Variants in TMED3 observed in about 807,000 individuals in gnomAD.
The protein encoded by TMED3 is transmembrane emp24 domain-containing protein 3.
TMED3 carries 9 observed loss-of-function variants against 15.0 expected under a neutral mutation model. The observed-to-expected ratio is 0.60, with a 90% CI of 0.36 to 1.04. TMED3 has a LOEUF of 1.04. Ranked by LOEUF, TMED3 falls within the 50% of genes least tolerant of loss-of-function variation. The pLI, the probability that TMED3 is intolerant of heterozygous loss-of-function variation, is 0.01. For missense variants in TMED3, 267 were observed against 278.9 expected, an observed-to-expected ratio of 0.96 and a Z score of 0.30; for synonymous variants, 117 against 121.4, an observed-to-expected ratio of 0.96 and a Z score of 0.24.
chr15:79,338,843 G>T (rs542429825), intron 2 of TMED3, among the ~76,000 whole-genome samples: 2 of 152,084 alleles, frequency 1.3e-5, no homozygotes, highest in Non-Finnish European at 2.9e-5. Context: ...GTTGCCAGGC[G>T]GACCGTGGTC....
intron 2 of TMED3, among the ~76,000 whole-genome samples, chr15:79,364,933 C>T (rs1893201451): frequency 6.6e-6 from 1 of 152,238 alleles, no homozygotes; most frequent in Non-Finnish European, 1.5e-5. Context: ...CACACCGGCC[C>T]TCTGCCCTTG....
chr15:79,317,211 C>T (rs1056510051), intron 2 of TMED3, among the ~76,000 whole-genome samples: 1 of 152,226 alleles, frequency 6.6e-6, no homozygotes, highest in Non-Finnish European at 1.5e-5. Flanking sequence ...CCTCTTCATG[C>T]AGTCTCCGTG....
chr15:79,396,668 G>C (rs1567039816), intron 2 of TMED3, among the ~76,000 whole-genome samples: 1 of 152,174 alleles, frequency 6.6e-6, no homozygotes, highest in East Asian at 1.9e-4. Context: ...TACTCTGTTG[G>C]TCAAAACGTG....
Position 79,328,530 on chromosome 15 carries a change from A to G in TMED3, c.417+14525A>G, listed in dbSNP as rs148911831. Among the ~76,000 whole-genome samples, 150 of 152,328 alleles carry G rather than the reference A, an allele frequency of 9.8e-4. No individual in the cohort carries two copies. The East Asian group carries it at 0.025, about 25-fold the overall frequency. The stretch of plus-strand genomic sequence containing the variant: ...AGCCATGCTCACAGCCAGCCCCCCA[A>G]AATGGGCTGGGTTTGCATTGCACCT... On this transcript the variant is annotated intron_variant, in intron 2 of 2. Coordinates refer to the TMED3 transcript ENST00000424155.
intron 2 of TMED3, among the ~76,000 whole-genome samples, chr15:79,353,905 A>T (rs1383088367): frequency 2.0e-5 from 3 of 152,148 alleles, no homozygotes; most frequent in Non-Finnish European, 2.9e-5. Flanking sequence ...CTCAGGGAGA[A>T]CCAAGTGACC....
Position 79,313,796 on chromosome 15 carries a change from G to C in TMED3, c.208G>C (p.Glu70Gln). 6.2e-7 allele frequency: 1 copy of C among 1,614,200 alleles called. No individual in the cohort carries two copies. Among genetic ancestry groups the C allele is most frequent in the South Asian group, 1.1e-5 (1 of 91,080 alleles). ...GGHYDVDCYV[E>Q]DPQGNTIYRE... ...CCACTACGATGTTGACTGCTATGTAGAGGACCCCCAGGGGAACACCATCTA... is the reference window on the plus strand; with the variant it reads ...CCACTACGATGTTGACTGCTATGTACAGGACCCCCAGGGGAACACCATCTA... The change falls in exon 2 of 3, where the codon GAG becomes CAG. Residue 70 changes from glutamate to glutamine, a missense_variant. This residue lies in a region of TMED3 where 69 missense variants were observed against 106.8 expected (regional missense o/e 0.65). Transcript: ENST00000299705.
At chr15:79,403,126 G>A (rs1294261373) in intron 2 of TMED3, among the ~76,000 whole-genome samples, 1 of 148,904 alleles carries the variant, frequency 6.7e-6, no homozygotes, top group African/African-American at 2.5e-5. Flanking sequence ...GGAAGGCTGA[G>A]GCACAAGAAT....
chr15:79,396,224 T>A (rs1044544211), intron 2 of TMED3, among the ~76,000 whole-genome samples: 1 of 152,216 alleles, frequency 6.6e-6, no homozygotes, highest in Non-Finnish European at 1.5e-5. Flanking sequence ...TATTTTTATG[T>A]TATAACTGTC....
In TMED3 at chr15:79,338,736, GA is replaced by G. The variant is rs770247014; in HGVS notation, c.417+24732del. Reference sequence around the variant, plus strand: ...GAGCTGAGGGGACATAGTGAGGAGTGACCAGAAGACAGAGTGCGAGCCTTCT... The same window carrying G: ...GAGCTGAGGGGACATAGTGAGGAGTGCCAGAAGACAGAGTGCGAGCCTTCT... On this transcript the variant is annotated intron_variant, in intron 2 of 2. Transcript: ENST00000424155. Among the ~76,000 whole-genome samples the G allele has an allele frequency of 9.9e-3, 1,513 of 152,278 alleles. 30 individuals carry two copies. Among genetic ancestry groups the G allele is most frequent in the African/African-American group, 0.034 (1,424 of 41,532 alleles).
intron 2 of TMED3, among the ~76,000 whole-genome samples, chr15:79,347,832 A>T (rs2058876500): frequency 6.6e-6 from 1 of 152,204 alleles, no homozygotes; most frequent in Non-Finnish European, 1.5e-5. Context: ...CCAGGGAGGT[A>T]AAAGATCTCT....
At chr15:79,353,624 A>G (rs1013099788) in intron 2 of TMED3, among the ~76,000 whole-genome samples, 25 of 150,448 alleles carry the variant, frequency 1.7e-4, no homozygotes, top group African/African-American at 6.1e-4. Context: ...CTAGATAACA[A>G]TTCTAAAAGA....
chr15:79,385,744 C>T (rs1278218979), intron 2 of TMED3, among the ~76,000 whole-genome samples: 3 of 152,110 alleles, frequency 2.0e-5, no homozygotes, highest in Non-Finnish European at 4.4e-5. Context: ...GAGCGGGAGG[C>T]CTGGGTCTGC....
In TMED3 at chr15:79,320,247, C is replaced by G. The variant is rs150031453; in HGVS notation, c.418-1731C>G. Among the ~76,000 whole-genome samples, 28 of 152,338 alleles carry G rather than the reference C, an allele frequency of 1.8e-4. 2 individuals carry two copies. In the East Asian group the frequency reaches 5.4e-3, roughly 29 times the overall value. ...TCGCACTCTTGTCTTCTGGTCACTT[C>G]TCACTATGTCCCCTCAGCTCCTATC... On this transcript the variant is annotated intron_variant, in intron 2 of 2. Transcript: ENST00000299705.
intron 2 of TMED3, among the ~76,000 whole-genome samples, chr15:79,337,565 A>G (rs2058831598): frequency 6.6e-6 from 1 of 152,244 alleles, no homozygotes; most frequent in South Asian, 2.1e-4. Flanking sequence ...AAATTAAATT[A>G]TATTCTACTA....
At chr15:79,356,486 T>C (rs2058919233) in intron 2 of TMED3, among the ~76,000 whole-genome samples, 1 of 152,192 alleles carries the variant, frequency 6.6e-6, no homozygotes. Context: ...ATGGCAGCAG[T>C]GAACAGCTCC....
chr15:79,399,394 A>G (rs1315298904), intron 2 of TMED3, among the ~76,000 whole-genome samples: 1 of 152,222 alleles, frequency 6.6e-6, no homozygotes, highest in African/African-American at 2.4e-5. Flanking sequence ...AGCTGGGGAC[A>G]TCCTGGGACG....
intron 2 of TMED3, among the ~76,000 whole-genome samples, chr15:79,407,814 G>A (rs73481703): frequency 0.033 from 5,046 of 152,266 alleles, 264 homozygotes; most frequent in African/African-American, 0.11. Flanking sequence ...TTGCCCGAGA[G>A]CCAATGGGTA....
chr15:79,383,107 G>A (rs1398943888), intron 2 of TMED3: 2 of 1,347,440 alleles, frequency 1.5e-6, no homozygotes, highest in Non-Finnish European at 2.0e-6. Context: ...AGATCGCCAG[G>A]TACCCACAGC....
At chr15:79,372,105 A>G (rs566158020) in intron 2 of TMED3, among the ~76,000 whole-genome samples, 48 of 152,250 alleles carry the variant, frequency 3.2e-4, no homozygotes, top group Non-Finnish European at 3.1e-4. Flanking sequence ...GGTTAAAAGC[A>G]AGATGGAGTC....
Sources: gnomAD v4.1 joint callset for allele counts (sites outside exome capture counted in the v4.1 genomes callset) on GRCh38, gnomAD v4.1.1 for gene constraint, gnomAD v4.1.1 regional missense constraint, MANE v1.5 for transcripts, NCBI Gene and HGNC (gene_info 2026-07-23, HGNC 2026-07-21) for gene names.